The following CATSPERT variants were observed in gnomAD, a reference collection of about 807,000 sequenced individuals.
CATSPERT encodes the protein cation channel sperm-associated targeting subunit tau.
chr2:201,523,746 T>C, the CATSPERT span, among the ~76,000 whole-genome samples: 2 of 152,108 alleles, frequency 1.3e-5, no homozygotes, highest in African/African-American at 4.8e-5. Context: ...ATCTAAGGAA[T>C]CCAGTGAAAT....
the CATSPERT span, among the ~76,000 whole-genome samples, chr2:201,580,834 G>T: frequency 6.6e-6 from 1 of 152,164 alleles, no homozygotes; most frequent in Non-Finnish European, 1.5e-5. Context: ...AAACAAGAGG[G>T]AAGCAACCAT....
the CATSPERT span, among the ~76,000 whole-genome samples, chr2:201,552,291 T>A: frequency 6.6e-6 from 1 of 152,188 alleles, no homozygotes; most frequent in Admixed American, 6.5e-5. Flanking sequence ...TATTTTTCAT[T>A]GAGCTTCGCA....
the CATSPERT span, among the ~76,000 whole-genome samples, chr2:201,594,846 T>C: frequency 6.6e-6 from 1 of 152,210 alleles, no homozygotes; most frequent in Non-Finnish European, 1.5e-5. Context: ...CTTTAAGCAC[T>C]TCTCTGTATT....
chr2:201,618,533 G>A, the CATSPERT span, among the ~76,000 whole-genome samples: 1 of 141,512 alleles, frequency 7.1e-6, no homozygotes, highest in Non-Finnish European at 1.5e-5. Flanking sequence ...ACACGGGGGG[G>A]GAACATCACA....
chr2:201,589,932 A>G, the CATSPERT span, among the ~76,000 whole-genome samples: 1 of 152,116 alleles, frequency 6.6e-6, no homozygotes, highest in East Asian at 1.9e-4. Flanking sequence ...CAACCCCATT[A>G]AAAAGCAGAC....
the CATSPERT span, among the ~76,000 whole-genome samples, chr2:201,520,333 A>G: frequency 2.0e-5 from 3 of 152,242 alleles, no homozygotes; most frequent in Admixed American, 2.0e-4. Flanking sequence ...ACAGACATTT[A>G]CAGTACATTT....
At chr2:201,613,896 G>C in the CATSPERT span, among the ~76,000 whole-genome samples, 77 of 152,326 alleles carry the variant, frequency 5.1e-4, no homozygotes, top group East Asian at 0.012. Flanking sequence ...CATGGCACGA[G>C]AACTATGTGA....
the CATSPERT span, among the ~76,000 whole-genome samples, chr2:201,602,164 A>G: frequency 6.6e-6 from 1 of 152,126 alleles, no homozygotes; most frequent in African/African-American, 2.4e-5. Context: ...TTTCAAGGTG[A>G]CTAAGTATAT....
chr2:201,493,442 TAGG>T, the CATSPERT span: 12 of 1,537,170 alleles, frequency 7.8e-6, no homozygotes, highest in South Asian at 1.2e-5. Context: ...AGGTTTCCTT[TAGG>T]AGAAGTGATC....
At chr2:201,557,621 C>T in the CATSPERT span, 4 of 152,326 alleles carry the variant, frequency 2.6e-5, no homozygotes, top group African/African-American at 9.6e-5. Context: ...CATTCCAGCA[C>T]AGAAGTTGTA....
the CATSPERT span, chr2:201,535,466 A>G: frequency 1.1e-6 from 1 of 938,020 alleles, no homozygotes; most frequent in Non-Finnish European, 1.3e-6. Flanking sequence ...CTATAAAATT[A>G]TTTGTAATAA....
chr2:201,488,337 T>C, the CATSPERT span, among the ~76,000 whole-genome samples: 2 of 152,246 alleles, frequency 1.3e-5, no homozygotes, highest in Non-Finnish European at 2.9e-5. Context: ...TGAACTCTTA[T>C]ATTTTACTTT....
At chr2:201,523,846 A>G in the CATSPERT span, among the ~76,000 whole-genome samples, 121 of 152,332 alleles carry the variant, frequency 7.9e-4, 1 homozygote, top group African/African-American at 2.7e-3. Flanking sequence ...GAATTTCACA[A>G]TACAATCAGA....
the CATSPERT span, among the ~76,000 whole-genome samples, chr2:201,523,069 C>A: frequency 6.6e-6 from 1 of 152,208 alleles, no homozygotes; most frequent in African/African-American, 2.4e-5. Flanking sequence ...ATGCATCCAC[C>A]TGCAGCCTCC....
At chr2:201,535,944 T>C in the CATSPERT span, 55 of 1,580,712 alleles carry the variant, frequency 3.5e-5, no homozygotes, top group Non-Finnish European at 4.6e-5. Context: ...TAGATTGTTG[T>C]TTTGCCAGCT....
chr2:201,524,596 C>T, the CATSPERT span, among the ~76,000 whole-genome samples: 5 of 152,184 alleles, frequency 3.3e-5, no homozygotes, highest in South Asian at 2.1e-4. Flanking sequence ...AACAACATGA[C>T]GACAGGATCA....
At chr2:201,516,792 G>A in the CATSPERT span, among the ~76,000 whole-genome samples, 5 of 151,968 alleles carry the variant, frequency 3.3e-5, no homozygotes, top group East Asian at 9.7e-4. Flanking sequence ...CTGCGTATGG[G>A]GGTGGGCGGG....
the CATSPERT span, among the ~76,000 whole-genome samples, chr2:201,604,145 ATGTGTGTG>A: frequency 1.3e-5 from 2 of 148,386 alleles, no homozygotes; most frequent in African/African-American, 5.0e-5. Flanking sequence ...GTGTGTGTGT[ATGTGTGTG>A]TGTGTGTGTG....
chr2:201,585,386 A>G, the CATSPERT span, among the ~76,000 whole-genome samples: 1 of 148,638 alleles, frequency 6.7e-6, no homozygotes, highest in Non-Finnish European at 1.5e-5. Flanking sequence ...AGTATTAAAA[A>G]AAAAATTCCC....
Sources: allele counts gnomAD v4.1 joint callset (sites outside exome capture counted in the v4.1 genomes callset), GRCh38; gene constraint gnomAD v4.1.1; transcripts MANE v1.5; gene names NCBI Gene and HGNC (gene_info 2026-07-23, HGNC 2026-07-21).